GRIN2D: variants seen among roughly 807,000 people sequenced by gnomAD.
GRIN2D encodes glutamate ionotropic receptor NMDA type subunit 2D, also known as glutamate receptor ionotropic, NMDA 2D.
Under a neutral mutation model 103.2 loss-of-function variants are expected in GRIN2D, and 37 were observed. The observed-to-expected ratio is 0.36, with a 90% CI of 0.28 to 0.47. The LOEUF (loss-of-function observed/expected upper bound fraction) is 0.47. Ranked by LOEUF, GRIN2D falls within the 20% of genes least tolerant of loss-of-function variation. The pLI is 1.00. For missense variants in GRIN2D, 1,557 were observed against 1,910.6 expected (o/e 0.81, Z 3.45); for synonymous variants, 845 against 885.6 (o/e 0.95, Z 0.81).
intron 3 of GRIN2D, among the ~76,000 whole-genome samples, chr19:48,402,040 C>A (rs1268934540): frequency 3.3e-5 from 5 of 151,540 alleles, no homozygotes; most frequent in African/African-American, 1.2e-4. Flanking sequence ...GTGGAGGTTG[C>A]AGTGAGGCGA....
At chr19:48,397,372 A>C (rs945657009) in intron 2 of GRIN2D, among the ~76,000 whole-genome samples, 2 of 148,292 alleles carry the variant, frequency 1.3e-5, no homozygotes, top group African/African-American at 5.0e-5. Flanking sequence ...CCCTCCTGCC[A>C]CTCGCCTTCC....
intron 2 of GRIN2D, among the ~76,000 whole-genome samples, chr19:48,396,977 G>A (rs1310285703): frequency 6.6e-6 from 1 of 152,124 alleles, no homozygotes; most frequent in Non-Finnish European, 1.5e-5. Flanking sequence ...GGACCCAGGA[G>A]CCTGGCTCCC....
intron 4 of GRIN2D, among the ~76,000 whole-genome samples, chr19:48,412,453 G>GAA (rs1474368603): frequency 1.3e-5 from 2 of 149,478 alleles, no homozygotes; most frequent in East Asian, 2.0e-4. Flanking sequence ...AAGAAAGAAA[G>GAA]AAAGAAAGAA....
chr19:48,444,290 CTG>C lies in GRIN2D; in HGVS notation c.*356_*357del. The C allele has an allele frequency of 4.8e-6, 1 of 208,364 alleles. No individual in the cohort carries two copies. 12.9% of individuals were successfully genotyped at this position (208,364 alleles called of 1,614,324 possible). A position where few individuals can be genotyped will look rare whatever the true frequency, so the allele number is the denominator to read the frequency against. ...GCCCGGGGCCGTGGCCCCCACATCACTGTGCAGCTCCCCGGCCCCAGCCGCGC... is the reference window on the plus strand; with the variant it reads ...GCCCGGGGCCGTGGCCCCCACATCACTGCAGCTCCCCGGCCCCAGCCGCGC... On this transcript the variant is annotated 3_prime_UTR_variant, in exon 14 of 14. Transcript: ENST00000263269. The surrounding 1 kb of genome is among the most constrained non-coding windows in gnomAD (Gnocchi z 5.5).
intron 11 of GRIN2D, among the ~76,000 whole-genome samples, chr19:48,425,305 A>C (rs1237179810): frequency 6.6e-6 from 1 of 152,074 alleles, no homozygotes; most frequent in Non-Finnish European, 1.5e-5. Flanking sequence ...GCAGTGCTGC[A>C]ATCTCGGCTC....
chr19:48,407,337 C>G (rs149770776), intron 4 of GRIN2D, among the ~76,000 whole-genome samples: 1 of 152,060 alleles, frequency 6.6e-6, no homozygotes, highest in African/African-American at 2.4e-5. Flanking sequence ...TCCTCTCTCT[C>G]TCTCTTTCTC....
In GRIN2D at chr19:48,404,912, G is replaced by C. The variant is rs1311572868; in HGVS notation, c.644G>C (p.Trp215Ser). Residue 215 changes from tryptophan to serine, a missense_variant, in exon 4 of 14, where the codon TGG becomes TCG. Coordinates refer to ENST00000263269, the MANE Select transcript of GRIN2D (RefSeq NM_000836.4). Reference protein sequence around the residue: ...EVLTDGSLVGWEHRGALTLDP... With the variant: ...EVLTDGSLVGSEHRGALTLDP... The stretch of plus-strand genomic sequence containing the variant: ...CTGACTGACGGTAGTCTGGTGGGCT[G>C]GGAGCACCGCGGAGCGCTGACGCTG... 1.2e-6 allele frequency: 2 copies of C among 1,614,020 alleles called. No homozygotes were observed. The highest frequency in any genetic ancestry group is 1.7e-6 in the Non-Finnish European group (2 of 1,180,024).
Position 48,414,521 on chromosome 19 carries a change from C to A in GRIN2D, c.1349C>A (p.Pro450His). 6.4e-7 allele frequency: 1 copy of A among 1,564,286 alleles called. No individual in the cohort carries two copies. The highest frequency in any genetic ancestry group is 8.7e-7 in the Non-Finnish European group (1 of 1,154,660). ...RPFVIVEPAD[P>H]ISGTCIRDSV... The stretch of plus-strand genomic sequence containing the variant: ...TTTGTCATCGTGGAGCCTGCAGACC[C>A]TATCAGCGGCACCTGCATCCGAGAC... Residue 450 changes from proline to histidine, a missense_variant, in exon 6 of 14, where the codon CCT becomes CAT. Physicochemically the swap from Pro to His is moderately conservative, Grantham distance 77 (BLOSUM62 -2). This residue lies in a region of GRIN2D where 197 missense variants were observed against 334.1 expected (regional missense o/e 0.59). Coordinates refer to ENST00000263269, the MANE Select transcript of GRIN2D (RefSeq NM_000836.4). This position sits in a 1 kb window ranked among gnomAD's most constrained non-coding sequence, Gnocchi z 4.6.
Position 48,416,173 on chromosome 19 carries a change from G to C in GRIN2D, c.1735+18G>C, listed in dbSNP as rs774151568. ...CTTCCTCGGTAATCTGGGGCCCTGG[G>C]ACAGGGAGCTAGCCCTAGGCAAAGT... On this transcript the variant is annotated intron_variant, in intron 8 of 13. Transcript: ENST00000263269. 1.2e-6 allele frequency: 2 copies of C among 1,612,158 alleles called. No homozygotes were observed. The highest frequency in any genetic ancestry group is 1.7e-6 in the Non-Finnish European group (2 of 1,179,250).
At chr19:48,417,203 G>T (rs183297206) in intron 8 of GRIN2D, among the ~76,000 whole-genome samples, 2 of 152,244 alleles carry the variant, frequency 1.3e-5, no homozygotes, top group Admixed American at 1.3e-4. Flanking sequence ...TGGCACCACC[G>T]CACTCCAGCC....
chr19:48,435,748 T>C (rs1971221667), intron 11 of GRIN2D, among the ~76,000 whole-genome samples: 1 of 152,206 alleles, frequency 6.6e-6, no homozygotes, highest in South Asian at 2.1e-4. Context: ...CACCCAGCCG[T>C]CCAGCCATTT....
chr19:48,408,587 G>C (rs1402154236), intron 4 of GRIN2D, among the ~76,000 whole-genome samples: 1 of 152,052 alleles, frequency 6.6e-6, no homozygotes, highest in African/African-American at 2.4e-5. Context: ...GGGAGGCTGA[G>C]GTGGGCGGAT....
chr19:48,443,961 C>A lies in GRIN2D; in HGVS notation c.*24C>A. 1 of 1,365,698 alleles carries A rather than the reference C, an allele frequency of 7.3e-7. No individual in the cohort carries two copies. The highest frequency in any genetic ancestry group is 9.5e-7 in the Non-Finnish European group (1 of 1,056,564). The allele number at this position is 1,365,698 out of a possible 1,614,324, so 84.6% of individuals were successfully genotyped here. A position where few individuals can be genotyped will look rare whatever the true frequency, so the allele number is the denominator to read the frequency against. ...GACGCGGCCCCGGGGGCCCCACCGC[C>A]CCCTTGGTCAGCGCAGGCCACGGCC... On this transcript the variant is annotated 3_prime_UTR_variant, in exon 14 of 14. Transcript: ENST00000263269. The surrounding 1 kb of genome is among the most constrained non-coding windows in gnomAD (Gnocchi z 8.9).
In GRIN2D at chr19:48,416,088, C is replaced by T. The variant is rs1213091832; in HGVS notation, c.1668C>T (p.Phe556=). The T allele has an allele frequency of 6.2e-7, 1 of 1,613,964 alleles. No individual in the cohort carries two copies. Among genetic ancestry groups the T allele is most frequent in the African/African-American group, 1.3e-5 (1 of 75,032 alleles). ...AGATCGTGGACTTCTCCGTCCCCTTCGTGGAGACCGGCATCAGCGTCATGG... is the reference window on the plus strand; with the variant it reads ...AGATCGTGGACTTCTCCGTCCCCTTTGTGGAGACCGGCATCAGCGTCATGG... ...RSEIVDFSVP[F]VETGISVMVA... Residue 556 remains phenylalanine, a synonymous_variant, in exon 8 of 14, where the codon TTC becomes TTT. Transcript: ENST00000263269.
intron 9 of GRIN2D, 100 bp from the exon 10 acceptor site, chr19:48,419,485 C>T: frequency 7.3e-7 from 1 of 1,378,936 alleles, no homozygotes; most frequent in South Asian, 1.3e-5. Context: ...TGCCAGATGC[C>T]TTGAGGGCCA....
In GRIN2D at chr19:48,442,827, C is replaced by T; in HGVS notation, c.2901C>T (p.Pro967=). ...LADGFHRYYG[P]IEPQGLGLGL... is the part of the protein sequence containing the mutation. ...ACGGCTTCCACCGCTACTACGGCCC[C>T]ATCGAGCCGCAGGGCCTAGGCCTCG... The change falls in exon 14 of 14, where the codon CCC becomes CCT. Residue 967 remains proline (P), a synonymous_variant. Coordinates refer to ENST00000263269, the MANE Select transcript of GRIN2D (RefSeq NM_000836.4). This position sits in a 1 kb window ranked among gnomAD's most constrained non-coding sequence, Gnocchi z 7.2. The T allele has an allele frequency of 6.5e-6, 7 of 1,080,134 alleles. No homozygotes were observed. Among genetic ancestry groups the T allele is most frequent in the Non-Finnish European group, 7.8e-6 (7 of 892,094 alleles). The allele number at this position is 1,080,134 out of a possible 1,614,324, so 66.9% of individuals were successfully genotyped here. A position where few individuals can be genotyped will look rare whatever the true frequency, so the allele number is the denominator to read the frequency against.
In GRIN2D at chr19:48,414,658, C is replaced by A; in HGVS notation, c.1412+74C>A. 4 of 1,394,104 alleles carry A rather than the reference C, an allele frequency of 2.9e-6. No homozygotes were observed. Among genetic ancestry groups the A allele is most frequent in the East Asian group, 2.5e-5 (1 of 40,156 alleles). The allele number at this position is 1,394,104 out of a possible 1,614,324, so 86.4% of individuals were successfully genotyped here. ...GAAGCCCAGTAGTCTGGGCCCCCAGCCCCCTCCTCCCTTGGGACCCAGGAC... is the reference window on the plus strand; with the variant it reads ...GAAGCCCAGTAGTCTGGGCCCCCAGACCCCTCCTCCCTTGGGACCCAGGAC... On this transcript the variant is annotated intron_variant, in intron 6 of 13. Coordinates refer to ENST00000263269, the MANE Select transcript of GRIN2D (RefSeq NM_000836.4). The surrounding 1 kb of genome is among the most constrained non-coding windows in gnomAD (Gnocchi z 4.6).
chr19:48,443,736 C>T lies in GRIN2D; in HGVS notation c.3810C>T (p.Arg1270=). ...WDLPPPAPTS[R]SLEDLSSCPR... ...TCCCGCCGCCCGCGCCCACCTCGCG[C>T]TCGCTCGAGGACCTCAGCTCGTGCC... Residue 1270 remains arginine (R), a synonymous_variant, in exon 14 of 14, where the codon CGC becomes CGT. Coordinates refer to ENST00000263269, the MANE Select transcript of GRIN2D (RefSeq NM_000836.4). The surrounding 1 kb of genome is among the most constrained non-coding windows in gnomAD (Gnocchi z 8.9). 2 of 1,357,238 alleles carry T rather than the reference C, an allele frequency of 1.5e-6. No homozygotes were observed. Among genetic ancestry groups the T allele is most frequent in the Non-Finnish European group, 1.9e-6 (2 of 1,056,354 alleles). The allele number at this position is 1,357,238 out of a possible 1,614,324, so 84.1% of individuals were successfully genotyped here. A position where few individuals can be genotyped will look rare whatever the true frequency, so the allele number is the denominator to read the frequency against.
Position 48,414,560 on chromosome 19 carries a change from G to C in GRIN2D, c.1388G>C (p.Arg463Pro), listed in dbSNP as rs1970918452. Reference sequence around the variant, plus strand: ...TGCATCCGAGACTCCGTCCCCTGCCGGAGCCAGCTCAACCGAACCCACAGG... The same window carrying C: ...TGCATCCGAGACTCCGTCCCCTGCCCGAGCCAGCTCAACCGAACCCACAGG... ...GTCIRDSVPCRSQLNRTHSPP... is the reference protein window; with the variant it reads ...GTCIRDSVPCPSQLNRTHSPP... The change falls in exon 6 of 14, where the codon CGG (arginine) becomes CCG (proline). Residue 463 changes from arginine (R) to proline (P), a missense_variant. Arg to Pro is a moderately radical substitution (Grantham distance 103). Coordinates refer to ENST00000263269, the MANE Select transcript of GRIN2D (RefSeq NM_000836.4). The surrounding 1 kb of genome is among the most constrained non-coding windows in gnomAD (Gnocchi z 4.6). 11 of 1,552,514 alleles carry C rather than the reference G, an allele frequency of 7.1e-6. No individual in the cohort carries two copies. The highest frequency in any genetic ancestry group is 9.6e-6 in the Non-Finnish European group (11 of 1,148,476).
Sources: gnomAD v4.1 joint callset for allele counts (sites outside exome capture counted in the v4.1 genomes callset) on GRCh38, gnomAD v4.1.1 for gene constraint, gnomAD v4.1.1 regional missense constraint, Gnocchi (gnomAD v3.1) non-coding constraint, MANE v1.5 for transcripts, NCBI Gene and HGNC (gene_info 2026-07-23, HGNC 2026-07-21) for gene names.